The following FAM135A variants were observed in gnomAD, a reference collection of about 807,000 sequenced individuals.
The protein encoded by FAM135A is protein FAM135A.
In FAM135A, 79 loss-of-function variants were observed where a neutral mutation model predicts 146.8. The ratio of observed to expected loss-of-function variants is 0.54; its 90% confidence interval spans 0.45 to 0.65. FAM135A has a LOEUF of 0.65. FAM135A is among the 30% of genes least tolerant of loss of function. The pLI, the probability that FAM135A is intolerant of heterozygous loss-of-function variation, is 0.00. For synonymous variants in FAM135A, 562 were observed against 603.6 expected (o/e 0.93, Z 1.01); for missense variants, 1,623 against 1,758.2 (o/e 0.92, Z 1.38).
chr6:70,459,761 G>A (rs1417164231), intron 5 of FAM135A, among the ~76,000 whole-genome samples: 1 of 152,092 alleles, frequency 6.6e-6, no homozygotes, highest in Non-Finnish European at 1.5e-5. Context: ...CAGGCGCGGA[G>A]GCTCATGCCT....
rs113751775 is a variant in FAM135A at position 70,424,447 on chromosome 6, A to G, written c.-133-1992A>G. ...AAGCCTGCCTTATTTATTTCTGTCT[A>G]TGCACCCAACATCTTTTGATGGCCT... On this transcript the variant is annotated intron_variant, in intron 2 of 21. Coordinates refer to ENST00000418814, the MANE Select transcript of FAM135A (RefSeq NM_001162529.3). 6.7e-3 allele frequency among the ~76,000 whole-genome samples: 1,022 copies of G among 152,312 alleles called. 8 individuals carry two copies. The highest frequency in any genetic ancestry group is 0.011 in the Non-Finnish European group (741 of 68,024).
intron 20 of FAM135A, among the ~76,000 whole-genome samples, chr6:70,551,455 C>CA (rs1052467552): frequency 8.6e-5 from 13 of 151,650 alleles, no homozygotes; most frequent in Admixed American, 3.9e-4. Context: ...CAAAAAATAA[C>CA]AAAAAAAATA....
intron 3 of FAM135A, among the ~76,000 whole-genome samples, chr6:70,427,533 C>CAA (rs55796657): frequency 4.7e-4 from 40 of 85,482 alleles, no homozygotes; most frequent in Admixed American, 8.6e-4. Context: ...CTCTGTCTCA[C>CAA]AAAAAAAAAA....
At chr6:70,415,068 C>G (rs1767259418) in intron 1 of FAM135A, among the ~76,000 whole-genome samples, 1 of 152,118 alleles carries the variant, frequency 6.6e-6, no homozygotes, top group Non-Finnish European at 1.5e-5. Context: ...TTTCTGCTAC[C>G]TTTAGAATTA....
At chr6:70,551,997 A>G (rs796771743) in intron 20 of FAM135A, among the ~76,000 whole-genome samples, 9 of 152,374 alleles carry the variant, frequency 5.9e-5, no homozygotes, top group South Asian at 4.1e-4. Flanking sequence ...GACTTGCTCA[A>G]TGCAGGGTTA....
intron 20 of FAM135A, among the ~76,000 whole-genome samples, chr6:70,540,394 G>T (rs1423526636): frequency 1.4e-5 from 2 of 138,490 alleles, no homozygotes; most frequent in Non-Finnish European, 3.0e-5. Flanking sequence ...GCACGATCTC[G>T]GCTCGCTGCA....
chr6:70,435,926 G>A (rs1198283418), intron 4 of FAM135A, among the ~76,000 whole-genome samples: 4 of 152,180 alleles, frequency 2.6e-5, no homozygotes, highest in African/African-American at 9.7e-5. Flanking sequence ...GCTCACGCCT[G>A]TGATCCCAGC....
intron 5 of FAM135A, among the ~76,000 whole-genome samples, chr6:70,473,080 A>G (rs973227503): frequency 1.3e-5 from 2 of 152,190 alleles, no homozygotes; most frequent in African/African-American, 2.4e-5. Flanking sequence ...ATTTCTGTTT[A>G]CTCAATGGAT....
intron 18 of FAM135A, among the ~76,000 whole-genome samples, chr6:70,535,657 T>C (rs1266668726): frequency 1.3e-5 from 2 of 152,178 alleles, no homozygotes; most frequent in Non-Finnish European, 2.9e-5. Flanking sequence ...GCCAAAAAGG[T>C]TGGGGACCAC....
rs150953091 is a variant in FAM135A at position 70,516,277 on chromosome 6, G to A, written c.1030-6236G>A. 6.6e-4 allele frequency among the ~76,000 whole-genome samples: 100 copies of A among 152,244 alleles called. 1 individual carries two copies. The highest frequency in any genetic ancestry group is 6.8e-3 in the Middle Eastern group (2 of 294). On this transcript the variant is annotated intron_variant, in intron 12 of 21. Coordinates refer to ENST00000418814, the MANE Select transcript of FAM135A (RefSeq NM_001162529.3). ...AAAAGTTGTGCAAGTGATTAACAGG[G>A]TTAGGGTATCCCTGAGTAACTGTGC...
chr6:70,520,679 T>C (rs1034088170), intron 12 of FAM135A, among the ~76,000 whole-genome samples: 10 of 152,248 alleles, frequency 6.6e-5, no homozygotes, highest in Admixed American at 5.9e-4. Context: ...AAAGCAGTAA[T>C]ATATATATTC....
chr6:70,522,341 T>C (rs1284517172), intron 12 of FAM135A, among the ~76,000 whole-genome samples, 172 bp from the exon 13 acceptor site: 1 of 152,192 alleles, frequency 6.6e-6, no homozygotes, highest in Non-Finnish European at 1.5e-5. Context: ...TCCAGATTTA[T>C]TTCATGCAGT....
chr6:70,477,351 T>C lies in FAM135A; in HGVS notation c.542+19T>C, dbSNP rs866709779. On this transcript the variant is annotated intron_variant, in intron 8 of 21. Coordinates refer to ENST00000418814, the MANE Select transcript of FAM135A (RefSeq NM_001162529.3). ...TAATAAGGTAAATTTGACTAATATT[T>C]TTGTATTAAGCCATTCTTACACTGC... 4 of 1,610,374 alleles carry C rather than the reference T, an allele frequency of 2.5e-6. No individual in the cohort carries two copies. The highest frequency in any genetic ancestry group is 3.3e-4 in the Middle Eastern group (2 of 6,028).
rs140228706 is a variant in FAM135A, at chr6:70,436,570, A to G, written c.77+8151A>G. 5.3e-3 allele frequency among the ~76,000 whole-genome samples: 801 copies of G among 152,328 alleles called. 1 individual carries two copies. Among genetic ancestry groups the G allele is most frequent in the Non-Finnish European group, 8.6e-3 (585 of 68,016 alleles). ...AGGGTATTGGATTTAAGGGGCTAGTAAGTTCTGCTTTTCTGGAAGCTTTTA... is the reference window on the plus strand; with the variant it reads ...AGGGTATTGGATTTAAGGGGCTAGTGAGTTCTGCTTTTCTGGAAGCTTTTA... On this transcript the variant is annotated intron_variant, in intron 4 of 21. Coordinates refer to ENST00000418814, the MANE Select transcript of FAM135A (RefSeq NM_001162529.3).
intron 11 of FAM135A, among the ~76,000 whole-genome samples, chr6:70,491,872 T>C (rs1049635006): frequency 6.6e-6 from 1 of 151,864 alleles, no homozygotes; most frequent in Non-Finnish European, 1.5e-5. Context: ...TAATATGAAA[T>C]CATCTGCAGT....
chr6:70,461,632 C>A, intron 5 of FAM135A, among the ~76,000 whole-genome samples: 1 of 151,850 alleles, frequency 6.6e-6, no homozygotes. Context: ...ACTAGTATGA[C>A]CAAGAGCAAG....
intron 5 of FAM135A, among the ~76,000 whole-genome samples, chr6:70,455,127 C>T (rs1231764608): frequency 1.3e-5 from 2 of 151,944 alleles, no homozygotes; most frequent in African/African-American, 2.4e-5. Context: ...TGTAGTTCTC[C>T]TTGAAGAGGT....
At chr6:70,466,031 G>C (rs1422853422) in intron 5 of FAM135A, among the ~76,000 whole-genome samples, 3 of 152,148 alleles carry the variant, frequency 2.0e-5, no homozygotes, top group Non-Finnish European at 2.9e-5. Context: ...TCTGTCTTCT[G>C]TACACTTAGT....
chr6:70,477,819 CT>C (rs932581704), intron 8 of FAM135A, among the ~76,000 whole-genome samples: 1 of 152,000 alleles, frequency 6.6e-6, no homozygotes, highest in Non-Finnish European at 1.5e-5. Context: ...GAAATAATGA[CT>C]TTTAAAATTT....
Sources: allele counts gnomAD v4.1 joint callset (sites outside exome capture counted in the v4.1 genomes callset), GRCh38; gene constraint gnomAD v4.1.1; transcripts MANE v1.5; gene names NCBI Gene and HGNC (gene_info 2026-07-23, HGNC 2026-07-21).